SUMF1: variants seen among roughly 807,000 people sequenced by gnomAD.
The protein encoded by SUMF1 is sulfatase modifying factor 1, also known as formylglycine-generating enzyme.
SUMF1 carries 48 observed loss-of-function variants against 47.6 expected under a neutral mutation model. The observed-to-expected ratio is 1.01, with a 90% CI of 0.80 to 1.28. SUMF1 has a LOEUF of 1.28. SUMF1 is among the 50% of genes most tolerant of loss of function. The pLI, the probability that SUMF1 is intolerant of heterozygous loss-of-function variation, is 0.00. For synonymous variants in SUMF1, 230 were observed against 192.1 expected (o/e 1.20, Z -1.63); for missense variants, 571 against 485.4 (o/e 1.18, Z -1.66).
Position 4,303,896 on chromosome 3 carries a change from G to T in SUMF1, c.1014+72434C>A, listed in dbSNP as rs544056115. 1.0e-4 allele frequency: 129 copies of T among 1,247,468 alleles called. 2 individuals are homozygous for T. In the South Asian group the frequency reaches 1.8e-3, roughly 17 times the overall value. The allele number at this position is 1,247,468 out of a possible 1,614,324, so 77.3% of individuals were successfully genotyped here. ...AGGATAAGCCGTGGGGCCTATTAAT[G>T]GATCGCAGCCGGTGTCGTGCATAAA... On this transcript the variant is annotated intron_variant and NMD_transcript_variant, in intron 8 of 12. Transcript: ENST00000448413.
At chr3:4,062,239 A>G (rs1318402618) in intron 9 of SUMF1, among the ~76,000 whole-genome samples, 2 of 152,256 alleles carry the variant, frequency 1.3e-5, no homozygotes, top group East Asian at 1.9e-4. Flanking sequence ...TATTGGGAGC[A>G]TGGTCAAACT....
chr3:4,286,638 A>T (rs988371373), intron 8 of SUMF1, among the ~76,000 whole-genome samples: 2 of 152,178 alleles, frequency 1.3e-5, no homozygotes, highest in African/African-American at 4.8e-5. Context: ...ATCATTAATG[A>T]GGAAAATATA....
chr3:4,069,398 T>C (rs1324218007), intron 8 of SUMF1, among the ~76,000 whole-genome samples: 1 of 152,202 alleles, frequency 6.6e-6, no homozygotes, highest in Non-Finnish European at 1.5e-5. Flanking sequence ...TATTCAGCTG[T>C]CATGGTCCTG....
At chr3:4,415,226 CAAAAA>C (rs35397535) in intron 6 of SUMF1, among the ~76,000 whole-genome samples, 1 of 78,316 alleles carries the variant, frequency 1.3e-5, no homozygotes. Context: ...GACTCCATCT[CAAAAA>C]AAAAAAAAAA....
intron 1 of SUMF1, among the ~76,000 whole-genome samples, chr3:4,456,926 A>G (rs199498410): frequency 0.014 from 1,737 of 124,862 alleles, 49 homozygotes; most frequent in East Asian, 0.06. Context: ...GTGTGTGTGT[A>G]TATATATACG....
At chr3:4,281,883 T>C (rs956451767) in intron 8 of SUMF1, among the ~76,000 whole-genome samples, 1 of 152,168 alleles carries the variant, frequency 6.6e-6, no homozygotes, top group African/African-American at 2.4e-5. Context: ...TTTTAATCCA[T>C]GTGAACATAC....
chr3:4,039,520 A>G (rs1193338938), intron 9 of SUMF1, among the ~76,000 whole-genome samples: 7 of 139,402 alleles, frequency 5.0e-5, no homozygotes, highest in African/African-American at 1.7e-4. Context: ...ATGGTTTCCA[A>G]TTTCATCCAT....
chr3:4,452,166 A>C (rs1702997463), intron 2 of SUMF1, among the ~76,000 whole-genome samples: 1 of 152,140 alleles, frequency 6.6e-6, no homozygotes, highest in Non-Finnish European at 1.5e-5. Context: ...CACGAACTGA[A>C]GACAAGAGTA....
chr3:4,162,316 G>A (rs996631033), intron 8 of SUMF1, among the ~76,000 whole-genome samples: 32 of 152,128 alleles, frequency 2.1e-4, no homozygotes, highest in African/African-American at 7.0e-4. Flanking sequence ...TGCCCTGTCT[G>A]GTGTCTCACT....
At chr3:4,079,415 T>C (rs1012925443) in intron 8 of SUMF1, among the ~76,000 whole-genome samples, 4 of 152,006 alleles carry the variant, frequency 2.6e-5, no homozygotes, top group African/African-American at 9.7e-5. Flanking sequence ...TGGAGTTTAC[T>C]GAAATAAGGT....
At chr3:4,303,748 C>T (rs1170086432) in intron 8 of SUMF1, 1 of 1,483,418 alleles carries the variant, frequency 6.7e-7, no homozygotes, top group Non-Finnish European at 9.1e-7. Context: ...AGTCCATTCC[C>T]TGAAGCGCAG....
chr3:4,325,507 C>T (rs1446978165), intron 8 of SUMF1, among the ~76,000 whole-genome samples: 9 of 151,896 alleles, frequency 5.9e-5, no homozygotes, highest in Non-Finnish European at 8.8e-5. Flanking sequence ...GTGGCAGGCA[C>T]GAAGGTGGCA....
intron 8 of SUMF1, among the ~76,000 whole-genome samples, chr3:4,250,760 G>A (rs772394480): frequency 5.3e-5 from 8 of 152,144 alleles, no homozygotes; most frequent in South Asian, 2.1e-4. Flanking sequence ...TAACAAAGCC[G>A]AGATGCAATC....
At chr3:4,380,813 A>T (rs1401155648) in intron 7 of SUMF1, among the ~76,000 whole-genome samples, 1 of 152,206 alleles carries the variant, frequency 6.6e-6, no homozygotes, top group African/African-American at 2.4e-5. Context: ...AGGCCAAGGT[A>T]CAGCTAAAGT....
intron 9 of SUMF1, among the ~76,000 whole-genome samples, chr3:4,065,226 C>T (rs1695349378): frequency 6.6e-6 from 1 of 151,282 alleles, no homozygotes; most frequent in Non-Finnish European, 1.5e-5. Context: ...TGCTTTTTTG[C>T]TTTTTTTTTC....
chr3:4,136,643 C>T (rs1197122955), intron 8 of SUMF1, among the ~76,000 whole-genome samples: 1 of 151,578 alleles, frequency 6.6e-6, no homozygotes, highest in Non-Finnish European at 1.5e-5. Flanking sequence ...AACTAAAGAG[C>T]TTCCGCACAG....
intron 8 of SUMF1, among the ~76,000 whole-genome samples, chr3:4,118,544 T>G (rs1693471439): frequency 6.6e-6 from 1 of 152,108 alleles, no homozygotes; most frequent in Non-Finnish European, 1.5e-5. Flanking sequence ...CTATATTGCT[T>G]TAATAAAACA....
chr3:4,259,949 G>A (rs965247450), intron 8 of SUMF1, among the ~76,000 whole-genome samples: 2 of 151,492 alleles, frequency 1.3e-5, no homozygotes, highest in African/African-American at 4.9e-5. Flanking sequence ...CAGAGGAGAA[G>A]TTATAGTTGT....
At chr3:4,344,240 G>A (rs372688535) in intron 8 of SUMF1, among the ~76,000 whole-genome samples, 10 of 152,182 alleles carry the variant, frequency 6.6e-5, no homozygotes, top group East Asian at 1.9e-4. Context: ...GTGGTGTGGC[G>A]GCCACCCTGA....
Sources: allele counts gnomAD v4.1 joint callset (sites outside exome capture counted in the v4.1 genomes callset), GRCh38; gene constraint gnomAD v4.1.1; transcripts MANE v1.5; gene names NCBI Gene and HGNC (gene_info 2026-07-23, HGNC 2026-07-21).